Variants in TEX9 observed in about 807,000 individuals in gnomAD.
TEX9 encodes testis expressed 9.
Under a neutral mutation model 59.6 loss-of-function variants are expected in TEX9, and 74 were observed. The ratio of observed to expected loss-of-function variants is 1.24; its 90% confidence interval spans 1.03 to 1.51. The LOEUF is 1.51. Among genes scored for constraint, TEX9 ranks in the 40% most tolerant of loss-of-function variants. TEX9 has a pLI of 0.00. For synonymous variants in TEX9, 186 were observed against 152.2 expected, an observed-to-expected ratio of 1.22 and a Z score of -1.64; for missense variants, 522 against 447.8, an observed-to-expected ratio of 1.17 and a Z score of -1.49.
chr15:56,292,817 C>T (rs575012089), intron 1 of TEX9, among the ~76,000 whole-genome samples: 37 of 152,268 alleles, frequency 2.4e-4, no homozygotes, highest in African/African-American at 8.7e-4. Flanking sequence ...CCCCTTGCCT[C>T]AAGGTGGGTC....
chr15:56,391,131 A>G, intron 6 of TEX9, 112 bp from the exon 7 acceptor site: 1 of 545,384 alleles, frequency 1.8e-6, no homozygotes, highest in Admixed American at 4.0e-5. Context: ...ATTTAAATTT[A>G]TAATAATTTT....
upstream of TEX9, chr15:56,365,374 C>G: frequency 6.5e-7 from 1 of 1,543,398 alleles, no homozygotes; most frequent in Non-Finnish European, 8.7e-7. Context: ...GGCGCCCGGG[C>G]GGGAGGCAAC....
intron 10 of TEX9, among the ~76,000 whole-genome samples, chr15:56,415,112 T>A (rs2049605196): frequency 6.6e-6 from 1 of 151,870 alleles, no homozygotes; most frequent in Non-Finnish European, 1.5e-5. Context: ...TTTGTTTAAG[T>A]TCCTTATAGA....
the TEX9 span, among the ~76,000 whole-genome samples, chr15:56,451,861 A>C: frequency 3.3e-5 from 5 of 152,194 alleles, no homozygotes; most frequent in Non-Finnish European, 4.4e-5. Flanking sequence ...ATACCTAAGC[A>C]TATAAAGATT....
intron 2 of TEX9, among the ~76,000 whole-genome samples, chr15:56,372,332 CT>C (rs1219072571): frequency 6.6e-6 from 1 of 150,486 alleles, no homozygotes; most frequent in African/African-American, 2.4e-5. Flanking sequence ...TTTTTTTTCC[CT>C]GGGGGTGGAG....
At chr15:56,302,245 T>C (rs546641645) in intron 1 of TEX9, among the ~76,000 whole-genome samples, 1 of 152,124 alleles carries the variant, frequency 6.6e-6, no homozygotes, top group African/African-American at 2.4e-5. Flanking sequence ...CCCACCACTT[T>C]GTGAGGCCAA....
chr15:56,389,525 C>A, intron 6 of TEX9, 125 bp downstream of exon 6: 3 of 651,416 alleles, frequency 4.6e-6, no homozygotes, highest in Non-Finnish European at 7.9e-6. Context: ...TAAGTTACAC[C>A]ACATATATCT....
rs147453022 is a variant in TEX9, at chr15:56,266,633, A to G, written c.-107+22355A>G. Among the ~76,000 whole-genome samples the G allele has an allele frequency of 1.1e-3, 175 of 152,240 alleles. 1 individual carries two copies. Among genetic ancestry groups the G allele is most frequent in the African/African-American group, 4.0e-3 (167 of 41,536 alleles). On this transcript the variant is annotated intron_variant, in intron 1 of 5. Coordinates refer to the TEX9 transcript ENST00000560827. ...AGAATGATGGTTTCCAGCTTCATCC[A>G]TGTCGCTACAAAGGACATGAAGTCA...
In TEX9 at chr15:56,344,686, A is replaced by G. The variant is rs142061410; in HGVS notation, c.-106-28755A>G. The stretch of plus-strand genomic sequence containing the variant: ...CCAATGATGCCATATTAGGTAGGAC[A>G]TCATCATATTTGGATATTTGGCCAA... On this transcript the variant is annotated intron_variant, in intron 1 of 5. Coordinates refer to the TEX9 transcript ENST00000560827. 2.8e-3 allele frequency among the ~76,000 whole-genome samples: 421 copies of G among 152,280 alleles called. 3 individuals are homozygous for G. Among genetic ancestry groups the G allele is most frequent in the African/African-American group, 9.5e-3 (397 of 41,572 alleles).
intron 9 of TEX9, among the ~76,000 whole-genome samples, chr15:56,411,721 G>T (rs2049360190): frequency 6.6e-6 from 1 of 152,158 alleles, no homozygotes; most frequent in South Asian, 2.1e-4. Flanking sequence ...GTGTTGGCCT[G>T]TTGACTCTCT....
rs559377718 is a variant in TEX9 at position 56,405,581 on chromosome 15, G to C, written c.829-6721G>C. Among the ~76,000 whole-genome samples, 133 of 152,246 alleles carry C rather than the reference G, an allele frequency of 8.7e-4. 1 individual carries two copies. Among genetic ancestry groups the C allele is most frequent in the Middle Eastern group, 6.8e-3 (2 of 294 alleles). On this transcript the variant is annotated intron_variant, in intron 9 of 12. Coordinates refer to ENST00000352903, the Ensembl canonical transcript of TEX9. ...GTTATGATACACTGGCTATCTGAAG[G>C]CTTTTATAAAAGCTTCCATTGGATC...
At chr15:56,436,278 A>G (rs939903280) in intron 12 of TEX9, among the ~76,000 whole-genome samples, 38 of 152,308 alleles carry the variant, frequency 2.5e-4, no homozygotes, top group African/African-American at 8.9e-4. Context: ...AGTGCAATCA[A>G]ACTAGAACTC....
intron 1 of TEX9, among the ~76,000 whole-genome samples, chr15:56,263,315 G>T (rs1419125647): frequency 6.6e-6 from 1 of 152,146 alleles, no homozygotes; most frequent in Non-Finnish European, 1.5e-5. Flanking sequence ...GAGCCACCGT[G>T]CCTGGCCACG....
the TEX9 span, among the ~76,000 whole-genome samples, chr15:56,456,167 G>T: frequency 2.6e-5 from 4 of 152,104 alleles, no homozygotes; most frequent in African/African-American, 9.7e-5. Flanking sequence ...AAAGGAAAGA[G>T]CAGGGGGACT....
At chr15:56,283,142 A>G (rs955532539) in intron 1 of TEX9, among the ~76,000 whole-genome samples, 1 of 152,010 alleles carries the variant, frequency 6.6e-6, no homozygotes, top group East Asian at 1.9e-4. Flanking sequence ...GTGGTCCCCA[A>G]TGAGCAGAAT....
At chr15:56,416,636 T>C (rs2049700585) in intron 10 of TEX9, among the ~76,000 whole-genome samples, 1 of 151,916 alleles carries the variant, frequency 6.6e-6, no homozygotes, top group South Asian at 2.1e-4. Context: ...GATTTTTGTA[T>C]CAGTGTTCAT....
chr15:56,256,993 G>A (rs539902612), intron 1 of TEX9, among the ~76,000 whole-genome samples: 61 of 151,926 alleles, frequency 4.0e-4, no homozygotes, highest in Middle Eastern at 3.4e-3. Context: ...ATGTGTCCAT[G>A]TGTTCTCATC....
chr15:56,248,525 C>T (rs1261771087), intron 1 of TEX9, among the ~76,000 whole-genome samples: 1 of 152,200 alleles, frequency 6.6e-6, no homozygotes, highest in Non-Finnish European at 1.5e-5. Context: ...ATACTCAGCT[C>T]TTCAAGTGAG....
At chr15:56,451,455 T>C in the TEX9 span, among the ~76,000 whole-genome samples, 1 of 152,214 alleles carries the variant, frequency 6.6e-6, no homozygotes. Context: ...AAATTTCTTA[T>C]AAAATTGGTT....
Sources: allele counts gnomAD v4.1 joint callset (sites outside exome capture counted in the v4.1 genomes callset), GRCh38; gene constraint gnomAD v4.1.1; transcripts MANE v1.5; gene names NCBI Gene and HGNC (gene_info 2026-07-23, HGNC 2026-07-21).